MAP3K9: variants seen among roughly 807,000 people sequenced by gnomAD.
MAP3K9 encodes the protein mitogen-activated protein kinase kinase kinase 9, also known as mixed lineage kinase 1 (tyr and ser/thr specificity).
In MAP3K9, 46 loss-of-function variants were observed where a neutral mutation model predicts 95.8. The observed-to-expected ratio is 0.48, with a 90% CI of 0.38 to 0.61. The LOEUF (loss-of-function observed/expected upper bound fraction) is 0.61. Among genes scored for constraint, MAP3K9 ranks in the 20% least tolerant of loss-of-function variants. The pLI is 0.00. For missense variants in MAP3K9, 1,296 were observed against 1,474.3 expected, an observed-to-expected ratio of 0.88 and a Z score of 1.98; for synonymous variants, 533 against 593.8, an observed-to-expected ratio of 0.90 and a Z score of 1.49.
At position 70,738,276 on chromosome 14, in the gene MAP3K9, C is replaced by T. The variant is rs756926877; in HGVS notation, c.1813G>A (p.Gly605Ser). 5 of 1,612,402 alleles carry T rather than the reference C, an allele frequency of 3.1e-6. No homozygotes were observed. In the Admixed American group the frequency reaches 6.7e-5, roughly 22 times the overall value. Reference sequence around the variant, plus strand: ...TCTCCCGAGGCAAGCTCCTTCTGACCAAGCGTCCCTGGCCCCCACGTCCGT... The same window carrying T: ...TCTCCCGAGGCAAGCTCCTTCTGACTAAGCGTCCCTGGCCCCCACGTCCGT... Reference protein sequence around the residue: ...KGRTWGPGTLGQKELASGDEG... With the variant: ...KGRTWGPGTLSQKELASGDEG... The change falls in exon 8 of 12, where the codon GGT becomes AGT. Residue 605 changes from glycine (G) to serine (S), a missense_variant. By Grantham distance (56) the Gly-to-Ser change is moderately conservative. Coordinates refer to ENST00000554752, the MANE Select transcript of MAP3K9 (RefSeq NM_001284230.2).
chr14:70,799,377 T>C (rs970899679), intron 2 of MAP3K9, among the ~76,000 whole-genome samples: 2 of 152,176 alleles, frequency 1.3e-5, no homozygotes, highest in Non-Finnish European at 1.5e-5. Flanking sequence ...TCTCGCTCTG[T>C]CACCCAGGCT....
Position 70,730,208 on chromosome 14 carries a change from C to A in MAP3K9, c.*172G>T, listed in dbSNP as rs1048006931. ...ACACGGGTAGAAAGGCCCTGCAGGG[C>A]AGGAGACCCTCTGAAGTGGCCCTGT... On this transcript the variant is annotated 3_prime_UTR_variant, in exon 12 of 12. Coordinates refer to ENST00000554752, the MANE Select transcript of MAP3K9 (RefSeq NM_001284230.2). 12 of 954,670 alleles carry A rather than the reference C, an allele frequency of 1.3e-5. No individual in the cohort carries two copies. The African/African-American group carries it at 1.8e-4, about 14-fold the overall frequency. 59.1% of individuals were successfully genotyped at this position (954,670 alleles called of 1,614,324 possible).
intron 3 of MAP3K9, among the ~76,000 whole-genome samples, chr14:70,756,562 A>C (rs1483935623): frequency 6.6e-6 from 1 of 152,204 alleles, no homozygotes; most frequent in Non-Finnish European, 1.5e-5. Flanking sequence ...AAGTGCAGGC[A>C]ATTGGGTGTG....
At chr14:70,745,023 G>A (rs1306517371) in intron 5 of MAP3K9, among the ~76,000 whole-genome samples, 5 of 152,118 alleles carry the variant, frequency 3.3e-5, no homozygotes, top group Admixed American at 2.6e-4. Context: ...ATAGAATCAG[G>A]AAACAGGAAA....
intron 5 of MAP3K9, among the ~76,000 whole-genome samples, chr14:70,746,291 G>A (rs1160756450): frequency 6.6e-6 from 1 of 152,160 alleles, no homozygotes; most frequent in Non-Finnish European, 1.5e-5. Flanking sequence ...CCAACCTGAG[G>A]AATTAGCTGA....
At chr14:70,794,990 CTTTTTT>C (rs572010694) in intron 2 of MAP3K9, among the ~76,000 whole-genome samples, 5 of 76,818 alleles carry the variant, frequency 6.5e-5, no homozygotes, top group Admixed American at 1.8e-4. Context: ...TTTTCTTTTC[CTTTTTT>C]TTTTTTTTTT....
chr14:70,740,005 G>A, intron 7 of MAP3K9, 37 bp downstream of exon 7: 4 of 1,614,214 alleles, frequency 2.5e-6, no homozygotes, highest in Non-Finnish European at 3.4e-6. Flanking sequence ...GTGCCCCTGT[G>A]TGTTCTGGCC....
intron 9 of MAP3K9, among the ~76,000 whole-genome samples, chr14:70,735,170 C>G (rs1333506943): frequency 2.6e-5 from 4 of 152,130 alleles, no homozygotes; most frequent in Non-Finnish European, 5.9e-5. Flanking sequence ...CTTTCAAATC[C>G]CTGTCATCAG....
At chr14:70,799,188 A>C (rs1013707840) in intron 2 of MAP3K9, among the ~76,000 whole-genome samples, 2 of 152,030 alleles carry the variant, frequency 1.3e-5, no homozygotes, top group African/African-American at 2.4e-5. Flanking sequence ...TTTTTTTAAG[A>C]GATGGGGTCT....
intron 6 of MAP3K9, 88 bp downstream of exon 6, chr14:70,742,263 C>A: frequency 6.6e-7 from 1 of 1,522,350 alleles, no homozygotes. Context: ...TGTCATGTTT[C>A]CAAGCTCAGT....
chr14:70,771,176 C>T (rs1287577160), intron 2 of MAP3K9, among the ~76,000 whole-genome samples: 1 of 152,122 alleles, frequency 6.6e-6, no homozygotes, highest in Non-Finnish European at 1.5e-5. Context: ...CTCCCATGCA[C>T]CTTGTAGGTT....
At position 70,809,445 on chromosome 14, in the gene MAP3K9, TCTGCCGCCGGTAC is replaced by T. The variant is rs1338950688; in HGVS notation, c.-287_-275del. ...CCCCCCCGGGGGCGGCCTCGTCACC[TCTGCCGCCGGTAC>T]CTGCTCGCGCAGCCGGTGCCCGCCG... On this transcript the variant is annotated 5_prime_UTR_variant, in exon 1 of 12. Coordinates refer to ENST00000554752, the MANE Select transcript of MAP3K9 (RefSeq NM_001284230.2). The T allele has an allele frequency of 7.7e-6, 2 of 258,280 alleles. No individual in the cohort carries two copies. Among genetic ancestry groups the T allele is most frequent in the Non-Finnish European group, 1.5e-5 (2 of 137,576 alleles). 16.0% of individuals were successfully genotyped at this position (258,280 alleles called of 1,614,324 possible).
At chr14:70,794,778 A>G (rs2054844097) in intron 2 of MAP3K9, among the ~76,000 whole-genome samples, 1 of 151,662 alleles carries the variant, frequency 6.6e-6, no homozygotes. Context: ...CCTGGGTTCA[A>G]ACAATTCTCC....
intron 2 of MAP3K9, among the ~76,000 whole-genome samples, chr14:70,791,827 C>A (rs2054810677): frequency 6.6e-6 from 1 of 152,256 alleles, no homozygotes; most frequent in Non-Finnish European, 1.5e-5. Context: ...CCTGACCCCA[C>A]AGGGAGCTCC....
At position 70,800,891 on chromosome 14, in the gene MAP3K9, T is replaced by G; in HGVS notation, c.596A>C (p.Lys199Thr). Residue 199 changes from lysine to threonine, a missense_variant, in exon 2 of 12, where the codon AAG (lysine) becomes ACG (threonine). Transcript: ENST00000554752. ...RQEAKLFAML[K>T]HPNIIALRGV... ...TCTTAGGGCAATGATGTTGGGGTGC[T>G]TCAGCATGGCGAAGAGCTTGGCCTC... The G allele has an allele frequency of 6.2e-7, 1 of 1,614,192 alleles. No individual in the cohort carries two copies. Among genetic ancestry groups the G allele is most frequent in the Non-Finnish European group, 8.5e-7 (1 of 1,180,036 alleles).
At chr14:70,795,041 T>C (rs1483858029) in intron 2 of MAP3K9, among the ~76,000 whole-genome samples, 1 of 139,976 alleles carries the variant, frequency 7.1e-6, no homozygotes, top group Non-Finnish European at 1.5e-5. Flanking sequence ...TTGCCCGGGC[T>C]GGAGTGCAGT....
intron 2 of MAP3K9, among the ~76,000 whole-genome samples, chr14:70,773,492 T>C (rs1246855611): frequency 2.6e-5 from 4 of 152,150 alleles, no homozygotes; most frequent in African/African-American, 9.7e-5. Context: ...CCTCCTCCCA[T>C]AGTAATGGAA....
intron 2 of MAP3K9, among the ~76,000 whole-genome samples, chr14:70,784,486 T>G (rs1379176436): frequency 1.3e-5 from 2 of 152,148 alleles, no homozygotes; most frequent in Non-Finnish European, 2.9e-5. Flanking sequence ...CTCATGCCTG[T>G]AATCCCACAA....
At chr14:70,785,504 CTTG>C (rs1361437667) in intron 2 of MAP3K9, among the ~76,000 whole-genome samples, 1 of 152,112 alleles carries the variant, frequency 6.6e-6, no homozygotes, top group East Asian at 1.9e-4. Context: ...CTGAAAAGAT[CTTG>C]TTGTACTGTA....
Sources: gnomAD v4.1 joint callset for allele counts (sites outside exome capture counted in the v4.1 genomes callset) on GRCh38, gnomAD v4.1.1 for gene constraint, MANE v1.5 for transcripts, NCBI Gene and HGNC (gene_info 2026-07-23, HGNC 2026-07-21) for gene names.